Variants in TRMU observed in about 807,000 individuals in gnomAD.
The protein encoded by TRMU is mitochondrial tRNA-specific 2-thiouridylase 1.
Under a neutral mutation model 46.9 loss-of-function variants are expected in TRMU, and 49 were observed. The observed-to-expected ratio is 1.05, with a 90% CI of 0.83 to 1.33. The LOEUF is 1.33. TRMU is among the 40% of genes most tolerant of loss of function. TRMU has a pLI of 0.00. For synonymous variants in TRMU, 241 were observed against 200.9 expected (o/e 1.20, Z -1.69); for missense variants, 572 against 532.4 (o/e 1.07, Z -0.73).
intron 5 of TRMU, 85 bp from the exon 6 acceptor site, chr22:46,352,036 C>G (rs572031983): frequency 1.3e-6 from 2 of 1,482,668 alleles, no homozygotes; most frequent in East Asian, 4.5e-5. Flanking sequence ...GGCCGGGAGG[C>G]CCCAGGGCCC....
In TRMU at chr22:46,347,410, G is replaced by C. The variant is rs1288730757; in HGVS notation, c.478+866G>C. On this transcript the variant is annotated intron_variant, in intron 4 of 10. Transcript: ENST00000645190. The surrounding 1 kb of genome is among the most constrained non-coding windows in gnomAD (Gnocchi z 5.0). ...TCTGTCAACCGGGCTGGAGTACAGT[G>C]GCCCGATCTTGGCTCGCTGCAGCCT... 6.6e-6 allele frequency: 1 copy of C among 152,042 alleles called. No individual in the cohort carries two copies. Among genetic ancestry groups the C allele is most frequent in the Admixed American group, 6.6e-5 (1 of 15,266 alleles). The allele number at this position is 152,042 out of a possible 1,614,324, so 9.4% of individuals were successfully genotyped here. A position where few individuals can be genotyped will look rare whatever the true frequency, so the allele number is the denominator to read the frequency against.
chr22:46,355,183 C>T (rs1775229792), intron 8 of TRMU: 1 of 584,702 alleles, frequency 1.7e-6, no homozygotes, highest in Non-Finnish European at 3.1e-6. Context: ...CTGTCATGGG[C>T]TCGGATCTCA....
In TRMU at chr22:46,350,707, C is replaced by T. The variant is rs1390048618; in HGVS notation, c.651+244C>T. Among the ~76,000 whole-genome samples the T allele has an allele frequency of 6.6e-6, 1 of 152,212 alleles. No individual in the cohort carries two copies. The highest frequency in any genetic ancestry group is 1.5e-5 in the Non-Finnish European group (1 of 68,026). On this transcript the variant is annotated intron_variant, in intron 5 of 10. Coordinates refer to ENST00000645190, the MANE Select transcript of TRMU (RefSeq NM_018006.5). The surrounding 1 kb of genome is among the most constrained non-coding windows in gnomAD (Gnocchi z 4.6). The stretch of plus-strand genomic sequence containing the variant: ...CTCTCCTCTGCCCCTATGTGGTAGG[C>T]AGCTTTCCCCACAGCCTTAGCAGCT...
chr22:46,344,402 T>G (rs1301651170), intron 3 of TRMU, among the ~76,000 whole-genome samples: 1 of 152,232 alleles, frequency 6.6e-6, no homozygotes, highest in Non-Finnish European at 1.5e-5. Context: ...TGAATTGATT[T>G]TTATTTTCAG....
At chr22:46,341,891 C>T (rs1017921419) in intron 2 of TRMU, among the ~76,000 whole-genome samples, 3 of 152,196 alleles carry the variant, frequency 2.0e-5, no homozygotes, top group African/African-American at 2.4e-5. Flanking sequence ...TGCCCAGTGA[C>T]GCAGCATTCC....
rs767689687 is a variant in TRMU, at chr22:46,339,430, G to A, written c.248+1486G>A. ...CTCCCAAAGTGCTGGGATTACAGGC[G>A]TGAGCCACCACGCCAGCCTGCTATT... On this transcript the variant is annotated intron_variant, in intron 2 of 10. Transcript: ENST00000645190. This position sits in a 1 kb window ranked among gnomAD's most constrained non-coding sequence, Gnocchi z 4.8. Among the ~76,000 whole-genome samples, 3 of 152,192 alleles carry A rather than the reference G, an allele frequency of 2.0e-5. No individual in the cohort carries two copies. The highest frequency in any genetic ancestry group is 7.2e-5 in the African/African-American group (3 of 41,454).
At chr22:46,352,573 C>T (rs1448036537) in intron 7 of TRMU, 1 of 596,164 alleles carries the variant, frequency 1.7e-6, no homozygotes, top group East Asian at 2.8e-5. Flanking sequence ...GCGCCTCTGA[C>T]TTGGAAGGAC....
At position 46,350,268 on chromosome 22, in the gene TRMU, C is replaced by CTT. The variant is rs760747054; in HGVS notation, c.479-20_479-19dup. 3.7e-6 allele frequency: 6 copies of CTT among 1,613,956 alleles called. No homozygotes were observed. The highest frequency in any genetic ancestry group is 4.2e-6 in the Non-Finnish European group (5 of 1,179,968). ...ATCATTATTTTTATTCCTGCATCGT[C>CTT]TTTTGTTCTTTATTCTTGGCAGCGG... On this transcript the variant is annotated intron_variant, in intron 4 of 10. Coordinates refer to ENST00000645190, the MANE Select transcript of TRMU (RefSeq NM_018006.5). This position sits in a 1 kb window ranked among gnomAD's most constrained non-coding sequence, Gnocchi z 4.6.
intron 1 of TRMU, among the ~76,000 whole-genome samples, 160 bp from the exon 2 acceptor site, chr22:46,337,619 G>A (rs1053273140): frequency 2.6e-5 from 4 of 152,176 alleles, no homozygotes; most frequent in African/African-American, 7.2e-5. Flanking sequence ...GATGGAAACC[G>A]GATCCCTGAA....
At chr22:46,354,122 C>T (rs1213728754) in intron 8 of TRMU, 6 of 434,284 alleles carry the variant, frequency 1.4e-5, no homozygotes, top group Middle Eastern at 7.1e-4. Context: ...TACAGTTTCT[C>T]CAATTTTATG....
At chr22:46,341,132 A>G (rs2078112300) in intron 2 of TRMU, among the ~76,000 whole-genome samples, 1 of 152,368 alleles carries the variant, frequency 6.6e-6, no homozygotes, top group South Asian at 2.1e-4. Context: ...TCTTCTTTCC[A>G]GTTAGAGAAG....
At chr22:46,354,025 G>A in intron 8 of TRMU, 158 bp downstream of exon 8, 1 of 687,480 alleles carries the variant, frequency 1.5e-6, no homozygotes, top group East Asian at 2.8e-5. Context: ...TCCTGGGACT[G>A]GCCATGGTGG....
At chr22:46,356,375 A>G in intron 10 of TRMU, 1 of 471,124 alleles carries the variant, frequency 2.1e-6, no homozygotes, top group Non-Finnish European at 3.9e-6. Flanking sequence ...ACAGTGCTCA[A>G]AGAGGCAGAG....
chr22:46,355,631 G>T, intron 9 of TRMU, 43 bp downstream of exon 9: 5 of 1,613,100 alleles, frequency 3.1e-6, no homozygotes, highest in Non-Finnish European at 4.2e-6. Context: ...CCTTGAAGCT[G>T]AGCTTCCTGA....
At chr22:46,356,131 G>A (rs2078601387) in intron 10 of TRMU, 59 bp downstream of exon 10, 1 of 1,596,500 alleles carries the variant, frequency 6.3e-7, no homozygotes. Flanking sequence ...CCCTGCCAGG[G>A]CACCCGGGTT....
intron 7 of TRMU, chr22:46,352,702 G>A (rs1397722040): frequency 2.7e-6 from 1 of 365,570 alleles, no homozygotes; most frequent in African/African-American, 2.1e-5. Flanking sequence ...GGACGTCCCG[G>A]CATGGTGTGA....
chr22:46,337,010 A>G (rs1248643063), intron 1 of TRMU, among the ~76,000 whole-genome samples: 1 of 152,200 alleles, frequency 6.6e-6, no homozygotes, highest in Non-Finnish European at 1.5e-5. Flanking sequence ...GGAAGATGCT[A>G]TACCAGGGGC....
intron 3 of TRMU, among the ~76,000 whole-genome samples, chr22:46,344,163 T>C (rs997589863): frequency 3.3e-5 from 5 of 152,264 alleles, no homozygotes; most frequent in African/African-American, 9.6e-5. Flanking sequence ...TGGAAAGACC[T>C]AGCTTGGTTG....
At chr22:46,345,626 A>C (rs966919903) in intron 3 of TRMU, among the ~76,000 whole-genome samples, 1 of 152,216 alleles carries the variant, frequency 6.6e-6, no homozygotes, top group African/African-American at 2.4e-5. Context: ...CCGTGGAATC[A>C]TGGTGTTACA....
Sources: gnomAD v4.1 joint callset for allele counts (sites outside exome capture counted in the v4.1 genomes callset) on GRCh38, gnomAD v4.1.1 for gene constraint, Gnocchi (gnomAD v3.1) non-coding constraint, MANE v1.5 for transcripts, NCBI Gene and HGNC (gene_info 2026-07-23, HGNC 2026-07-21) for gene names.